RBBP9: variants seen among roughly 807,000 people sequenced by gnomAD.
RBBP9 encodes the protein RB binding protein 9, serine hydrolase, also known as serine hydrolase RBBP9.
In RBBP9, 20 loss-of-function variants were observed where a neutral mutation model predicts 24.2. That is an observed-to-expected ratio of 0.83 (90% CI 0.58 to 1.20). RBBP9 has a LOEUF of 1.20. Among genes scored for constraint, RBBP9 ranks in the 50% most tolerant of loss-of-function variants. The probability of loss-of-function intolerance (pLI) is 0.00; values close to 1 mark genes in which losing one functional copy is unlikely to be tolerated. For synonymous variants in RBBP9, 74 were observed against 84.6 expected, an observed-to-expected ratio of 0.87 and a Z score of 0.69; for missense variants, 234 against 233.6, an observed-to-expected ratio of 1.00 and a Z score of -0.01.
In RBBP9 at chr20:18,488,273, T is replaced by C. The variant is rs6081168; in HGVS notation, c.*1491A>G. 6.7e-6 allele frequency: 1 copy of C among 150,236 alleles called. No individual in the cohort carries two copies. Among genetic ancestry groups the C allele is most frequent in the African/African-American group, 2.5e-5 (1 of 40,690 alleles). 9.3% of individuals were successfully genotyped at this position (150,236 alleles called of 1,614,324 possible). A position where few individuals can be genotyped will look rare whatever the true frequency, so the allele number is the denominator to read the frequency against. ...GTGGGTTTTTTTAATTAAAAAAAAA[T>C]TTTTTTTTTTAAGAGACAGGTTCTT... is the stretch of plus-strand genomic sequence containing the variant. On this transcript the variant is annotated 3_prime_UTR_variant, in exon 5 of 5. Transcript: ENST00000337227.
rs1322250902 is a variant in RBBP9 at position 18,487,338 on chromosome 20, G to T, written c.*2426C>A. The T allele has an allele frequency of 6.6e-6, 1 of 152,080 alleles. No individual in the cohort carries two copies. The highest frequency in any genetic ancestry group is 1.5e-5 in the Non-Finnish European group (1 of 68,020). 9.4% of individuals were successfully genotyped at this position (152,080 alleles called of 1,614,324 possible). A position where few individuals can be genotyped will look rare whatever the true frequency, so the allele number is the denominator to read the frequency against. On this transcript the variant is annotated 3_prime_UTR_variant, in exon 5 of 5. Transcript: ENST00000337227. ...ATTATTTCTCAATTATATATATTTAGTTTTCATTTCTACAGAGAAAGAGGT... is the reference window on the plus strand; with the variant it reads ...ATTATTTCTCAATTATATATATTTATTTTTCATTTCTACAGAGAAAGAGGT...
At chr20:18,493,308 G>C (rs1033293057) in intron 3 of RBBP9, among the ~76,000 whole-genome samples, 47 of 152,258 alleles carry the variant, frequency 3.1e-4, no homozygotes, top group African/African-American at 1.1e-3. Context: ...CATATGCCAG[G>C]CTCTCTTCTA....
chr20:18,495,128 A>G (rs1254157082), intron 2 of RBBP9, among the ~76,000 whole-genome samples: 3 of 149,432 alleles, frequency 2.0e-5, no homozygotes, highest in Non-Finnish European at 3.0e-5. Flanking sequence ...TGACAATGGC[A>G]GTTTTGTGGA....
chr20:18,497,010 C>G (rs562817023), intron 1 of RBBP9, 59 bp downstream of exon 1: 2 of 1,444,568 alleles, frequency 1.4e-6, no homozygotes, highest in South Asian at 2.3e-5. Context: ...GCCCTCAGTC[C>G]TCTCCCGCCG....
chr20:18,492,096 CAAAAAAAAAAAAA>C (rs71194242), intron 3 of RBBP9, among the ~76,000 whole-genome samples: 1 of 70,064 alleles, frequency 1.4e-5, no homozygotes, highest in African/African-American at 5.6e-5. Context: ...GGCTCTGTCT[CAAAAAAAAAAAAA>C]AAAAAAAAAA....
At chr20:18,493,796 A>G (rs927413458) in intron 3 of RBBP9, among the ~76,000 whole-genome samples, 162 bp downstream of exon 3, 1 of 152,168 alleles carries the variant, frequency 6.6e-6, no homozygotes, top group Admixed American at 6.6e-5. Flanking sequence ...TTTTCTTTCA[A>G]TCCACTAGCA....
At position 18,488,913 on chromosome 20, in the gene RBBP9, G is replaced by A. The variant is rs2059853763; in HGVS notation, c.*851C>T. On this transcript the variant is annotated 3_prime_UTR_variant, in exon 5 of 5. Coordinates refer to ENST00000337227, the MANE Select transcript of RBBP9 (RefSeq NM_006606.3). ...AAATTTTTTGATGTATACTGTTATT[G>A]CCAACTTACATACTCCATATGTATA... is the stretch of plus-strand genomic sequence containing the variant. 1.3e-5 allele frequency: 2 copies of A among 151,656 alleles called. No individual in the cohort carries two copies. The highest frequency in any genetic ancestry group is 4.8e-5 in the African/African-American group (2 of 41,246). 9.4% of individuals were successfully genotyped at this position (151,656 alleles called of 1,614,324 possible).
Position 18,489,683 on chromosome 20 carries a change from T to C in RBBP9, c.*81A>G, listed in dbSNP as rs554443200. On this transcript the variant is annotated 3_prime_UTR_variant, in exon 5 of 5. Transcript: ENST00000337227. ...GGCACTTACGGAACTTAACTGGATGTTCTATGTGTCTAGTAATCAGCTGAT... is the reference window on the plus strand; with the variant it reads ...GGCACTTACGGAACTTAACTGGATGCTCTATGTGTCTAGTAATCAGCTGAT... 7 of 913,198 alleles carry C rather than the reference T, an allele frequency of 7.7e-6. 1 individual carries two copies. The African/African-American group carries it at 9.9e-5, about 13-fold the overall frequency. 56.6% of individuals were successfully genotyped at this position (913,198 alleles called of 1,614,324 possible). A position where few individuals can be genotyped will look rare whatever the true frequency, so the allele number is the denominator to read the frequency against.
chr20:18,491,019 T>C (rs2059863430), intron 3 of RBBP9, among the ~76,000 whole-genome samples: 1 of 152,192 alleles, frequency 6.6e-6, no homozygotes, highest in Admixed American at 6.5e-5. Flanking sequence ...GTACAAACCT[T>C]TCCCAATAAA....
At chr20:18,491,049 C>T (rs1372745216) in intron 3 of RBBP9, among the ~76,000 whole-genome samples, 1 of 152,180 alleles carries the variant, frequency 6.6e-6, no homozygotes, top group Non-Finnish European at 1.5e-5. Flanking sequence ...TGTAATCCAT[C>T]CACGTTTAGT....
rs1452389246 is a variant in RBBP9 at position 18,489,546 on chromosome 20, T to C, written c.*218A>G. On this transcript the variant is annotated 3_prime_UTR_variant, in exon 5 of 5. Coordinates refer to ENST00000337227, the MANE Select transcript of RBBP9 (RefSeq NM_006606.3). ...AGCTGTCCTTATGTTTCTTATCAAA[T>C]GAGGAAAATACTGTGGTAGTTCATA... 2.1e-6 allele frequency: 1 copy of C among 469,298 alleles called. No individual in the cohort carries two copies. Among genetic ancestry groups the C allele is most frequent in the East Asian group, 3.3e-5 (1 of 30,202 alleles). The allele number at this position is 469,298 out of a possible 1,614,324, so 29.1% of individuals were successfully genotyped here. A position where few individuals can be genotyped will look rare whatever the true frequency, so the allele number is the denominator to read the frequency against.
chr20:18,490,449 CA>C lies in RBBP9; in HGVS notation c.279del (p.Ile93MetfsTer3). On this transcript the variant is annotated frameshift_variant, in exon 4 of 5. Coordinates refer to ENST00000337227, the MANE Select transcript of RBBP9 (RefSeq NM_006606.3). LOFTEE classifies it high-confidence loss of function. ...TCTGATGTGTACGCAGACACTAATACAATAGCATATACTCGATGTGTTTCTG... is the reference window on the plus strand; with the variant it reads ...TCTGATGTGTACGCAGACACTAATACATAGCATATACTCGATGTGTTTCTG... ...RYAETHRVYA[I>X]VLVSAYTSDL... The C allele has an allele frequency of 6.2e-7, 1 of 1,613,628 alleles. No individual in the cohort carries two copies. The highest frequency in any genetic ancestry group is 1.1e-5 in the South Asian group (1 of 91,064).
rs183244147 is a variant in RBBP9 at position 18,487,461 on chromosome 20, C to A, written c.*2303G>T. The A allele has an allele frequency of 1.3e-5, 2 of 152,154 alleles. No homozygotes were observed. The highest frequency in any genetic ancestry group is 4.2e-4 in the South Asian group (2 of 4,814). The allele number at this position is 152,154 out of a possible 1,614,324, so 9.4% of individuals were successfully genotyped here. On this transcript the variant is annotated 3_prime_UTR_variant, in exon 5 of 5. Transcript: ENST00000337227. ...AATAAGTAATACAACAGCAAATTTC[C>A]AAAAAATTCAAGTAGAATCAAACTT...
chr20:18,493,951 A>T lies in RBBP9; in HGVS notation c.248+7T>A. 1 of 1,599,326 alleles carries T rather than the reference A, an allele frequency of 6.3e-7. No individual in the cohort carries two copies. Among genetic ancestry groups the T allele is most frequent in the Non-Finnish European group, 8.5e-7 (1 of 1,173,540 alleles). On this transcript the variant is annotated splice_region_variant and intron_variant, in intron 3 of 4. Transcript: ENST00000337227. ...CAAAGGGGATAGCAGTTTAACAAAG[A>T]TCGCACCTCATGGCCGCGATGGCCC...
Position 18,487,128 on chromosome 20 carries a change from G to A in RBBP9, c.*2636C>T, listed in dbSNP as rs2059847042. On this transcript the variant is annotated 3_prime_UTR_variant, in exon 5 of 5. Coordinates refer to ENST00000337227, the MANE Select transcript of RBBP9 (RefSeq NM_006606.3). ...TATAATGACGGAAATAGCCTATATT[G>A]GCTGGTCAGTAAGGTAACCAATAGC... 2 of 152,100 alleles carry A rather than the reference G, an allele frequency of 1.3e-5. No individual in the cohort carries two copies. The highest frequency in any genetic ancestry group is 2.9e-5 in the Non-Finnish European group (2 of 68,038). The allele number at this position is 152,100 out of a possible 1,614,324, so 9.4% of individuals were successfully genotyped here.
In RBBP9 at chr20:18,489,532, T is replaced by C. The variant is rs1224156391; in HGVS notation, c.*232A>G. ...GAGAAGGGTAGTTAAGCTGTCCTTATGTTTCTTATCAAATGAGGAAAATAC... is the reference window on the plus strand; with the variant it reads ...GAGAAGGGTAGTTAAGCTGTCCTTACGTTTCTTATCAAATGAGGAAAATAC... On this transcript the variant is annotated 3_prime_UTR_variant, in exon 5 of 5. Coordinates refer to ENST00000337227, the MANE Select transcript of RBBP9 (RefSeq NM_006606.3). 7 of 449,554 alleles carry C rather than the reference T, an allele frequency of 1.6e-5. No individual in the cohort carries two copies. The highest frequency in any genetic ancestry group is 9.8e-5 in the African/African-American group (5 of 50,948). The allele number at this position is 449,554 out of a possible 1,614,324, so 27.8% of individuals were successfully genotyped here. A position where few individuals can be genotyped will look rare whatever the true frequency, so the allele number is the denominator to read the frequency against.
rs554770474 is a variant in RBBP9 at position 18,488,994 on chromosome 20, C to A, written c.*770G>T. Reference sequence around the variant, plus strand: ...GTGTATATATATATATATTTGCATTCCCCAAATTTAAAAACTACAATTTGG... The same window carrying A: ...GTGTATATATATATATATTTGCATTACCCAAATTTAAAAACTACAATTTGG... On this transcript the variant is annotated 3_prime_UTR_variant, in exon 5 of 5. Coordinates refer to ENST00000337227, the MANE Select transcript of RBBP9 (RefSeq NM_006606.3). 3 of 149,862 alleles carry A rather than the reference C, an allele frequency of 2.0e-5. No individual in the cohort carries two copies. The South Asian group carries it at 6.3e-4, about 32-fold the overall frequency. 9.3% of individuals were successfully genotyped at this position (149,862 alleles called of 1,614,324 possible).
intron 3 of RBBP9, among the ~76,000 whole-genome samples, chr20:18,492,096 C>CAAAAAA (rs71194242): frequency 6.4e-4 from 45 of 69,886 alleles, no homozygotes; most frequent in African/African-American, 7.2e-4. Flanking sequence ...GGCTCTGTCT[C>CAAAAAA]AAAAAAAAAA....
In RBBP9 at chr20:18,490,543, T is replaced by C. The variant is rs1322978086; in HGVS notation, c.249-63A>G. 4 of 1,228,932 alleles carry C rather than the reference T, an allele frequency of 3.3e-6. No individual in the cohort carries two copies. The South Asian group carries it at 5.0e-5, about 15-fold the overall frequency. 76.1% of individuals were successfully genotyped at this position (1,228,932 alleles called of 1,614,324 possible). On this transcript the variant is annotated intron_variant, in intron 3 of 4. Coordinates refer to ENST00000337227, the MANE Select transcript of RBBP9 (RefSeq NM_006606.3). ...TTACCTCTGATCACCAAAAAGTCAA[T>C]AAACTACTTAAAAACTCATTTGAGG...
Sources: gnomAD v4.1 joint callset for allele counts (sites outside exome capture counted in the v4.1 genomes callset) on GRCh38, gnomAD v4.1.1 for gene constraint, MANE v1.5 for transcripts, NCBI Gene and HGNC (gene_info 2026-07-23, HGNC 2026-07-21) for gene names.